The following DSCAML1 variants were observed in gnomAD, a reference collection of about 807,000 sequenced individuals.
The protein encoded by DSCAML1 is cell adhesion molecule DSCAML1.
Under a neutral mutation model 200.5 loss-of-function variants are expected in DSCAML1, and 38 were observed. The observed-to-expected ratio is 0.19, with a 90% CI of 0.15 to 0.25. The LOEUF (loss-of-function observed/expected upper bound fraction) is 0.25. Among genes scored for constraint, DSCAML1 ranks in the 10% least tolerant of loss-of-function variants. The pLI, the probability that DSCAML1 is intolerant of heterozygous loss-of-function variation, is 1.00. For missense variants in DSCAML1, 2,223 were observed against 2,858.8 expected, an observed-to-expected ratio of 0.78 and a Z score of 5.07; for synonymous variants, 1,215 against 1,165.0, an observed-to-expected ratio of 1.04 and a Z score of -0.87.
intron 2 of DSCAML1, among the ~76,000 whole-genome samples, chr11:117,779,479 C>G (rs1031705821): frequency 6.6e-6 from 1 of 152,152 alleles, no homozygotes; most frequent in Non-Finnish European, 1.5e-5. Flanking sequence ...AGTCTTTCAT[C>G]GTGAATTTTA....
At position 117,664,922 on chromosome 11, in the gene DSCAML1, C is replaced by T. The variant is rs565929229; in HGVS notation, c.511+111869G>A. ...TGTCTGCTGGGCACCTTCAGAACCA[C>T]GTCTATCAACAAACACTGTGGTCTG... On this transcript the variant is annotated intron_variant, in intron 3 of 32. Transcript: ENST00000651296. Among the ~76,000 whole-genome samples, 39 of 152,346 alleles carry T rather than the reference C, an allele frequency of 2.6e-4. 1 individual carries two copies. The South Asian group carries it at 6.6e-3, about 26-fold the overall frequency.
chr11:117,553,450 A>C (rs577330217), intron 3 of DSCAML1, among the ~76,000 whole-genome samples: 1 of 152,214 alleles, frequency 6.6e-6, no homozygotes, highest in Non-Finnish European at 1.5e-5. Context: ...AAAACCAAAC[A>C]ACCCAGTTTA....
intron 19 of DSCAML1, among the ~76,000 whole-genome samples, chr11:117,454,241 T>C (rs1339554023): frequency 6.6e-6 from 1 of 152,198 alleles, no homozygotes; most frequent in Non-Finnish European, 1.5e-5. Flanking sequence ...AAATCCGAGA[T>C]TCCACCTGAG....
chr11:117,630,445 G>A (rs2052146371), intron 3 of DSCAML1, among the ~76,000 whole-genome samples: 1 of 152,036 alleles, frequency 6.6e-6, no homozygotes, highest in Non-Finnish European at 1.5e-5. Flanking sequence ...GGAAAGGCAT[G>A]GGAGAGAGGC....
intron 11 of DSCAML1, among the ~76,000 whole-genome samples, chr11:117,502,849 C>G (rs2049422565): frequency 6.6e-6 from 1 of 152,134 alleles, no homozygotes; most frequent in Admixed American, 6.5e-5. Flanking sequence ...GAGCCCAACC[C>G]CCCGCTCATA....
chr11:117,473,689 GTAGTTTT>G (rs1198774664), intron 14 of DSCAML1, among the ~76,000 whole-genome samples: 1 of 152,186 alleles, frequency 6.6e-6, no homozygotes, highest in Non-Finnish European at 1.5e-5. Context: ...CTCCCCATCT[GTAGTTTT>G]GCATTTAATT....
chr11:117,743,021 A>G (rs2054450221), intron 3 of DSCAML1, among the ~76,000 whole-genome samples: 2 of 151,992 alleles, frequency 1.3e-5, no homozygotes, highest in African/African-American at 4.8e-5. Context: ...CCATCCATCC[A>G]TCCATCCACC....
chr11:117,448,160 A>G (rs1350974696), intron 20 of DSCAML1, among the ~76,000 whole-genome samples: 1 of 152,178 alleles, frequency 6.6e-6, no homozygotes, highest in Non-Finnish European at 1.5e-5. Context: ...CCGGGAGAGG[A>G]GCCTGAAGCC....
intron 3 of DSCAML1, among the ~76,000 whole-genome samples, chr11:117,566,104 C>A (rs1367605400): frequency 6.6e-6 from 1 of 152,200 alleles, no homozygotes; most frequent in Non-Finnish European, 1.5e-5. Context: ...TATCCTCCTG[C>A]AATCCTCCCA....
rs1181486166 is a variant in DSCAML1 at position 117,649,039 on chromosome 11, ATATGTG to A, written c.512-116523_512-116518del. ...CCTCTCGCTCTCTCTCTCTCCATAT[ATATGTG>A]TGTGTGTGTGTGTGTGTGTGTGTGT... On this transcript the variant is annotated intron_variant, in intron 3 of 32. Transcript: ENST00000651296. 1.4e-3 allele frequency among the ~76,000 whole-genome samples: 189 copies of A among 131,540 alleles called. 3 individuals carry two copies. The highest frequency in any genetic ancestry group is 5.8e-3 in the African/African-American group (184 of 31,532). The allele number at this position is 131,540 out of a possible 152,430, so 86.3% of individuals were successfully genotyped here. A position where few individuals can be genotyped will look rare whatever the true frequency, so the allele number is the denominator to read the frequency against.
At chr11:117,482,724 T>G (rs931711102) in intron 11 of DSCAML1, among the ~76,000 whole-genome samples, 1 of 152,184 alleles carries the variant, frequency 6.6e-6, no homozygotes, top group African/African-American at 2.4e-5. Flanking sequence ...ATTCTGTCGC[T>G]TATGTTCAAA....
At chr11:117,650,168 G>A (rs931658320) in intron 3 of DSCAML1, among the ~76,000 whole-genome samples, 4 of 152,184 alleles carry the variant, frequency 2.6e-5, no homozygotes, top group African/African-American at 7.2e-5. Context: ...GCCCCGCCCT[G>A]TGCCTTCTCA....
chr11:117,591,298 C>T (rs2051255120), intron 3 of DSCAML1, among the ~76,000 whole-genome samples: 1 of 152,192 alleles, frequency 6.6e-6, no homozygotes, highest in Non-Finnish European at 1.5e-5. Context: ...AGTTTGCCTT[C>T]TGCTTCTTGG....
intron 12 of DSCAML1, 65 bp from the exon 13 acceptor site, chr11:117,481,335 C>T: frequency 6.6e-7 from 1 of 1,516,074 alleles, no homozygotes; most frequent in East Asian, 2.3e-5. Context: ...AGCTGGTCAG[C>T]TGAAGGGGTC....
rs2052431413 is a variant in DSCAML1, at chr11:117,642,468, CTG to C, written c.512-109948_512-109947del. 6.6e-6 allele frequency among the ~76,000 whole-genome samples: 1 copy of C among 152,250 alleles called. No homozygotes were observed. The highest frequency in any genetic ancestry group is 1.5e-5 in the Non-Finnish European group (1 of 68,048). ...AAATAAGGGGAACTGTCAGGCCCCA[CTG>C]CCAACATGCTCAGTAGGACACTAGA... On this transcript the variant is annotated intron_variant, in intron 3 of 32. Coordinates refer to ENST00000651296, the MANE Select transcript of DSCAML1 (RefSeq NM_020693.4). This position sits in a 1 kb window ranked among gnomAD's most constrained non-coding sequence, Gnocchi z 4.1.
intron 3 of DSCAML1, among the ~76,000 whole-genome samples, chr11:117,564,697 CCTTCCTTT>C (rs1014005268): frequency 6.6e-6 from 1 of 151,186 alleles, no homozygotes; most frequent in African/African-American, 2.4e-5. Context: ...TCCTATCCTT[CCTTCCTTT>C]CTTCCTTCTT....
At chr11:117,677,244 G>A (rs1055778888) in intron 3 of DSCAML1, among the ~76,000 whole-genome samples, 3 of 152,224 alleles carry the variant, frequency 2.0e-5, no homozygotes, top group African/African-American at 7.2e-5. Context: ...CTAAGAAGAG[G>A]TGCTAGACTT....
At chr11:117,670,390 G>A (rs79664143) in intron 3 of DSCAML1, among the ~76,000 whole-genome samples, 4,640 of 151,948 alleles carry the variant, frequency 0.031, 113 homozygotes, top group Non-Finnish European at 0.044. Context: ...AGTAAATATC[G>A]AATACTTATT....
chr11:117,700,023 C>G (rs2053641643), intron 3 of DSCAML1, among the ~76,000 whole-genome samples: 1 of 152,112 alleles, frequency 6.6e-6, no homozygotes, highest in Non-Finnish European at 1.5e-5. Context: ...TTTGGGTGGG[C>G]AGGAGGTCAC....
Sources: gnomAD v4.1 joint callset for allele counts (sites outside exome capture counted in the v4.1 genomes callset) on GRCh38, gnomAD v4.1.1 for gene constraint, Gnocchi (gnomAD v3.1) non-coding constraint, MANE v1.5 for transcripts, NCBI Gene and HGNC (gene_info 2026-07-23, HGNC 2026-07-21) for gene names.